The following CLIC4 variants were observed in gnomAD, a reference collection of about 807,000 sequenced individuals.
CLIC4 encodes chloride intracellular channel protein 4.
A neutral mutation model predicts 24.6 loss-of-function variants in CLIC4; 13 were observed. That is an observed-to-expected ratio of 0.53 (90% CI 0.34 to 0.84). CLIC4 has a LOEUF of 0.84. Ranked by LOEUF, CLIC4 falls within the 40% of genes least tolerant of loss-of-function variation. The pLI is 0.01. For missense variants in CLIC4, 227 were observed against 301.7 expected (o/e 0.75, Z 1.83); for synonymous variants, 104 against 111.3 (o/e 0.93, Z 0.41).
intron 3 of CLIC4, among the ~76,000 whole-genome samples, chr1:24,820,051 A>AG (rs1639710772): frequency 1.3e-5 from 1 of 79,954 alleles, no homozygotes; most frequent in African/African-American, 4.1e-5. Context: ...ATACTTCAAA[A>AG]AAAAAAAAAA....
chr1:24,830,855 C>G (rs189700844), intron 4 of CLIC4, among the ~76,000 whole-genome samples: 65 of 152,232 alleles, frequency 4.3e-4, no homozygotes, highest in African/African-American at 1.5e-3. Flanking sequence ...CAGGGAGCTA[C>G]TTTGTGATGG....
At chr1:24,805,256 C>CT (rs1276327156) in intron 2 of CLIC4, among the ~76,000 whole-genome samples, 1 of 151,904 alleles carries the variant, frequency 6.6e-6, no homozygotes, top group African/African-American at 2.4e-5. Context: ...CAGTAAAATT[C>CT]TTTAACTGGT....
In CLIC4 at chr1:24,788,003, G is replaced by A. The variant is rs1000870009; in HGVS notation, c.73-9739G>A. 3.3e-5 allele frequency among the ~76,000 whole-genome samples: 5 copies of A among 151,934 alleles called. No homozygotes were observed. In the South Asian group the frequency reaches 6.2e-4, roughly 19 times the overall value. On this transcript the variant is annotated intron_variant, in intron 1 of 5. Coordinates refer to ENST00000374379, the MANE Select transcript of CLIC4 (RefSeq NM_013943.3). ...CCCAAGTAGCTGGGATTACAGGCAC[G>A]TACCAGCACGCCCAGCTAATTTTTG...
chr1:24,781,134 ATTTTTTTTTTT>A (rs35627731), intron 1 of CLIC4, among the ~76,000 whole-genome samples: 1 of 97,344 alleles, frequency 1.0e-5, no homozygotes, highest in East Asian at 2.9e-4. Context: ...AGGTAACTGA[ATTTTTTTTTTT>A]TTTTTTTGAG....
intron 1 of CLIC4, among the ~76,000 whole-genome samples, chr1:24,747,914 A>G (rs1476984433): frequency 1.3e-5 from 2 of 151,474 alleles, no homozygotes; most frequent in Non-Finnish European, 2.9e-5. Flanking sequence ...GGGCCCAGCT[A>G]TTCGGGAGGC....
intron 1 of CLIC4, among the ~76,000 whole-genome samples, chr1:24,769,706 G>C (rs577931478): frequency 6.6e-6 from 1 of 152,264 alleles, no homozygotes; most frequent in Non-Finnish European, 1.5e-5. Context: ...TTCATTAGAT[G>C]ACTTTGGTTG....
chr1:24,797,829 G>GT lies in CLIC4; in HGVS notation c.161dup (p.Thr55AspfsTer4). ...TTGGCTCAAAGGAGTTGTATTTAGT[G>GT]TGACGACTGTTGACCTGAAAAGGTA... On this transcript the variant is annotated frameshift_variant, in exon 2 of 6. Transcript: ENST00000374379. LOFTEE classifies it high-confidence loss of function. 1 of 1,612,680 alleles carries GT rather than the reference G, an allele frequency of 6.2e-7. No individual in the cohort carries two copies.
At chr1:24,810,219 A>G (rs1639597794) in intron 2 of CLIC4, among the ~76,000 whole-genome samples, 1 of 152,218 alleles carries the variant, frequency 6.6e-6, no homozygotes, top group African/African-American at 2.4e-5. Context: ...GGTTATCTCT[A>G]AAATATCTTT....
At chr1:24,779,826 TGC>T (rs1639182119) in intron 1 of CLIC4, among the ~76,000 whole-genome samples, 6 of 152,220 alleles carry the variant, frequency 3.9e-5, no homozygotes, top group Non-Finnish European at 8.8e-5. Context: ...CCATGTCCAT[TGC>T]TTTTACCTAA....
intron 1 of CLIC4, among the ~76,000 whole-genome samples, chr1:24,752,030 G>T (rs1234806267): frequency 6.6e-6 from 1 of 152,136 alleles, no homozygotes; most frequent in African/African-American, 2.4e-5. Flanking sequence ...AGTTAATCTG[G>T]TGCAGGGTGG....
chr1:24,801,980 T>A (rs189774092), intron 2 of CLIC4, among the ~76,000 whole-genome samples: 127 of 152,242 alleles, frequency 8.3e-4, no homozygotes, highest in Non-Finnish European at 1.5e-3. Flanking sequence ...GTTTTTTTTT[T>A]ATACATGTGT....
chr1:24,766,247 C>T (rs541928548), intron 1 of CLIC4, among the ~76,000 whole-genome samples: 111 of 152,094 alleles, frequency 7.3e-4, no homozygotes, highest in African/African-American at 2.4e-3. Context: ...TCCTGTTCCA[C>T]CCACCTTGGC....
chr1:24,822,341 C>CTTTTTTTTTTTTTTTTTTTTTTTTTTTTT (rs71032865), intron 3 of CLIC4, among the ~76,000 whole-genome samples: 1 of 75,464 alleles, frequency 1.3e-5, no homozygotes, highest in Non-Finnish European at 2.6e-5. Context: ...TCAGTGAATT[C>CTTTTTTTTTTTTTTTTTTTTTTTTTTTTT]TTTTTTTTTT....
rs541328566 is a variant in CLIC4 at position 24,778,377 on chromosome 1, T to C, written c.73-19365T>C. Among the ~76,000 whole-genome samples the C allele has an allele frequency of 3.3e-5, 5 of 152,326 alleles. No homozygotes were observed. The East Asian group carries it at 9.6e-4, about 29-fold the overall frequency. ...TAAAACTAGTTTTATATAGTGCATG[T>C]CAACTGCAAAATACACTACTCAATA... is the stretch of plus-strand genomic sequence containing the variant. On this transcript the variant is annotated intron_variant, in intron 1 of 5. Transcript: ENST00000374379.
At chr1:24,788,612 T>C (rs1639299868) in intron 1 of CLIC4, among the ~76,000 whole-genome samples, 1 of 152,362 alleles carries the variant, frequency 6.6e-6, no homozygotes, top group South Asian at 2.1e-4. Flanking sequence ...AGTTACAGCA[T>C]GTATCCATAC....
chr1:24,840,713 A>G, intron 5 of CLIC4, 60 bp from the exon 6 acceptor site: 1 of 1,359,482 alleles, frequency 7.4e-7, no homozygotes, highest in Non-Finnish European at 1.0e-6. Context: ...AATCAGAGAT[A>G]TGTCTAGTTT....
chr1:24,839,863 T>A lies in CLIC4; in HGVS notation c.419T>A (p.Leu140Gln). Reference protein sequence around the residue: ...KNSRPEANEALERGLLKTLQK... With the variant: ...KNSRPEANEAQERGLLKTLQK... ...ATCTCTTTTTTTCCCCCCCAAGCAC[T>A]GGAGAGGGGTCTCCTGAAAACCCTG... is the stretch of plus-strand genomic sequence containing the variant. The change falls in exon 5 of 6, where the codon CTG (leucine) becomes CAG (glutamine). Residue 140 changes from leucine to glutamine, a missense_variant. Physicochemically the swap from Leu to Gln is moderately radical, Grantham distance 113 (BLOSUM62 -2). Transcript: ENST00000374379. 1 of 1,609,952 alleles carries A rather than the reference T, an allele frequency of 6.2e-7. No homozygotes were observed. The highest frequency in any genetic ancestry group is 1.1e-5 in the South Asian group (1 of 90,760).
At chr1:24,828,972 T>C (rs1247218133) in intron 4 of CLIC4, among the ~76,000 whole-genome samples, 1 of 152,166 alleles carries the variant, frequency 6.6e-6, no homozygotes, top group Non-Finnish European at 1.5e-5. Flanking sequence ...TAGAAAACAA[T>C]ATTTCAAATC....
At chr1:24,810,328 C>T (rs1639599176) in intron 2 of CLIC4, among the ~76,000 whole-genome samples, 2 of 151,882 alleles carry the variant, frequency 1.3e-5, no homozygotes, top group Non-Finnish European at 2.9e-5. Flanking sequence ...TATAACAGTC[C>T]CCCACCTGTG....
Sources: gnomAD v4.1 joint callset for allele counts (sites outside exome capture counted in the v4.1 genomes callset) on GRCh38, gnomAD v4.1.1 for gene constraint, MANE v1.5 for transcripts, NCBI Gene and HGNC (gene_info 2026-07-23, HGNC 2026-07-21) for gene names.